Variants in TCP11L2 observed in about 807,000 individuals in gnomAD.
TCP11L2 encodes T-complex protein 11-like protein 2.
In TCP11L2, 39 loss-of-function variants were observed where a neutral mutation model predicts 50.7. The ratio of observed to expected loss-of-function variants is 0.77; its 90% CI spans 0.60 to 1.01. The LOEUF is 1.01. TCP11L2 is among the 50% of genes least tolerant of loss of function. The probability of loss-of-function intolerance (pLI) is 0.00; values close to 1 mark genes in which losing one functional copy is unlikely to be tolerated. For missense variants in TCP11L2, 612 were observed against 614.7 expected (o/e 1.00, Z 0.05); for synonymous variants, 192 against 219.3 (o/e 0.88, Z 1.10).
intron 3 of TCP11L2, among the ~76,000 whole-genome samples, chr12:106,315,795 AAG>A (rs1176523141): frequency 6.6e-6 from 1 of 152,202 alleles, no homozygotes; most frequent in Non-Finnish European, 1.5e-5. Context: ...TCCTGAGACA[AAG>A]AGAAGAGGCT....
At chr12:106,325,908 A>AG (rs1339696657) in intron 6 of TCP11L2, 1 of 151,528 alleles carries the variant, frequency 6.6e-6, no homozygotes, top group African/African-American at 2.4e-5. Flanking sequence ...AAAAAAAAAA[A>AG]AAAAACCCAC....
intron 6 of TCP11L2, chr12:106,324,073 G>A (rs1002100617): frequency 6.6e-6 from 1 of 152,200 alleles, no homozygotes; most frequent in Non-Finnish European, 1.5e-5. Flanking sequence ...TCCCCAAGGA[G>A]CTGACATTCT....
chr12:106,307,421 T>TG (rs746628212), intron 1 of TCP11L2: 3 of 152,264 alleles, frequency 2.0e-5, no homozygotes, highest in Admixed American at 6.5e-5. Flanking sequence ...ACTTGTGAGT[T>TG]GCAGTGGCAA....
At chr12:106,314,518 A>T in intron 3 of TCP11L2, 25 bp downstream of exon 3, 1 of 1,597,798 alleles carries the variant, frequency 6.3e-7, no homozygotes, top group South Asian at 1.1e-5. Context: ...TTTGTTGTAT[A>T]TAAACTGCTG....
chr12:106,341,067 A>AT, intron 9 of TCP11L2, 69 bp downstream of exon 9: 1 of 1,350,032 alleles, frequency 7.4e-7, no homozygotes, highest in Non-Finnish European at 1.0e-6. Context: ...ACTAACATTA[A>AT]GTCAGTCAAA....
At chr12:106,325,892 G>GAA (rs35051819) in intron 6 of TCP11L2, 16,343 of 89,758 alleles carry the variant, frequency 0.18, 2,208 homozygotes, top group East Asian at 0.69. Flanking sequence ...CTCCGTCTCG[G>GAA]AAAAAAAAAA....
intron 6 of TCP11L2, among the ~76,000 whole-genome samples, chr12:106,327,890 T>G (rs758812522): frequency 2.1e-4 from 32 of 152,232 alleles, no homozygotes; most frequent in South Asian, 6.2e-4. Context: ...TAGGAATGAT[T>G]ATCTGTACTA....
intron 3 of TCP11L2, among the ~76,000 whole-genome samples, chr12:106,315,654 C>G (rs921214382): frequency 6.6e-6 from 1 of 152,186 alleles, no homozygotes; most frequent in Admixed American, 6.5e-5. Flanking sequence ...AGCAGGCAAT[C>G]CAGAAATGTC....
chr12:106,322,228 C>T (rs2035366775), intron 5 of TCP11L2, among the ~76,000 whole-genome samples: 1 of 152,158 alleles, frequency 6.6e-6, no homozygotes, highest in Non-Finnish European at 1.5e-5. Context: ...TCCAGGGACC[C>T]AGCCTCCTCC....
chr12:106,323,481 T>G (rs557725793), intron 5 of TCP11L2, 29 bp from the exon 6 acceptor site: 1 of 1,526,226 alleles, frequency 6.6e-7, no homozygotes, highest in Admixed American at 1.9e-5. Context: ...TTCTTAATCA[T>G]CTCTCTATTT....
intron 3 of TCP11L2, among the ~76,000 whole-genome samples, chr12:106,314,720 C>T (rs2035013521): frequency 6.6e-6 from 1 of 152,018 alleles, no homozygotes; most frequent in African/African-American, 2.4e-5. Context: ...AAAATTCTCG[C>T]TGGGTGTGAT....
intron 8 of TCP11L2, among the ~76,000 whole-genome samples, chr12:106,336,646 G>A (rs182121889): frequency 0.018 from 2,703 of 148,356 alleles, 36 homozygotes; most frequent in Non-Finnish European, 0.027. Context: ...TCCGCCTCCC[G>A]GGTTCAAGCA....
chr12:106,323,876 T>G (rs1039957500), intron 6 of TCP11L2: 4 of 193,190 alleles, frequency 2.1e-5, no homozygotes, highest in Middle Eastern at 2.0e-3. Flanking sequence ...GGCCTTTCTA[T>G]TAAACATTTT....
intron 3 of TCP11L2, among the ~76,000 whole-genome samples, chr12:106,316,777 A>G (rs2035101451): frequency 6.6e-6 from 1 of 152,170 alleles, no homozygotes. Context: ...TAGTATTCCC[A>G]GTTCCTAAAA....
intron 1 of TCP11L2, among the ~76,000 whole-genome samples, chr12:106,305,525 A>C (rs566674067): frequency 1.3e-5 from 2 of 152,332 alleles, no homozygotes; most frequent in African/African-American, 4.8e-5. Context: ...GTAGTACTGT[A>C]AGTGACTGCG....
chr12:106,330,740 G>T (rs111849420), intron 6 of TCP11L2, among the ~76,000 whole-genome samples: 7 of 152,064 alleles, frequency 4.6e-5, no homozygotes, highest in Non-Finnish European at 8.8e-5. Context: ...GCTGCTGGTG[G>T]GTGCCTCCTT....
chr12:106,302,145 C>T (rs759005584), upstream of TCP11L2, among the ~76,000 whole-genome samples: 1 of 152,122 alleles, frequency 6.6e-6, no homozygotes, highest in Non-Finnish European at 1.5e-5. Context: ...CACCCAGTTC[C>T]GATTGCCCCG....
chr12:106,330,132 G>T (rs2035697134), intron 6 of TCP11L2: 1 of 985,146 alleles, frequency 1.0e-6, no homozygotes, highest in Admixed American at 6.2e-5. Context: ...CTTAGAACTG[G>T]GCCTAAAGCA....
upstream of TCP11L2, among the ~76,000 whole-genome samples, chr12:106,298,496 A>T (rs763142448): frequency 8.5e-5 from 13 of 152,112 alleles, no homozygotes; most frequent in Non-Finnish European, 1.9e-4. Context: ...GATTCCTTTG[A>T]AAAACATTTT....
Sources: allele counts gnomAD v4.1 joint callset (sites outside exome capture counted in the v4.1 genomes callset), GRCh38; gene constraint gnomAD v4.1.1; transcripts MANE v1.5; gene names NCBI Gene and HGNC (gene_info 2026-07-23, HGNC 2026-07-21).